The following RASSF1 variants were observed in gnomAD, a reference collection of about 807,000 sequenced individuals.
RASSF1 encodes Ras association domain family member 1.
In RASSF1, 33 loss-of-function variants were observed where a neutral mutation model predicts 34.3. The observed-to-expected ratio is 0.96, with a 90% CI of 0.73 to 1.29. The LOEUF (loss-of-function observed/expected upper bound fraction) is 1.29, where lower values mean the gene tolerates loss of function less well. Among genes scored for constraint, RASSF1 ranks in the 50% most tolerant of loss-of-function variants. The pLI is 0.00. For synonymous variants in RASSF1, 191 were observed against 195.0 expected (o/e 0.98, Z 0.17); for missense variants, 445 against 471.8 (o/e 0.94, Z 0.53).
intron 1 of RASSF1, chr3:50,338,225 C>T (rs975301800): frequency 2.2e-6 from 3 of 1,388,964 alleles, no homozygotes; most frequent in Non-Finnish European, 2.8e-6. Flanking sequence ...GAGGCCTGCT[C>T]AACAGTTGGA....
Position 50,330,712 on chromosome 3 carries a change from T to C in RASSF1, c.892A>G (p.Met298Val). ...CGTAGGAAGTTATGTAGTTCAGGCA[T>C]GCTGAAGGCGTCCCACTGCAAGGGG... ...SGEVNWDAFS[M>V]PELHNFLRIL... Residue 298 changes from methionine to valine, a missense_variant, in exon 6 of 6, where the codon ATG becomes GTG. Physicochemically the swap from Met to Val is conservative, Grantham distance 21. Transcript: ENST00000359365. This position sits in a 1 kb window ranked among gnomAD's most constrained non-coding sequence, Gnocchi z 4.5. The C allele has an allele frequency of 6.2e-7, 1 of 1,613,966 alleles. No individual in the cohort carries two copies. The highest frequency in any genetic ancestry group is 1.3e-5 in the African/African-American group (1 of 75,026).
intron 4 of RASSF1, 37 bp from the exon 5 acceptor site, chr3:50,331,486 C>T (rs1416415677): frequency 1.3e-6 from 2 of 1,561,732 alleles, no homozygotes; most frequent in Non-Finnish European, 1.7e-6. Flanking sequence ...ACAGGGCCAG[C>T]TGCTCAGCCC....
chr3:50,330,837 T>C lies in RASSF1; in HGVS notation c.877-110A>G. On this transcript the variant is annotated intron_variant, in intron 5 of 5. Transcript: ENST00000359365. The surrounding 1 kb of genome is among the most constrained non-coding windows in gnomAD (Gnocchi z 4.5). ...TGTTCACACAAGCTAGGACTGGGCTTTCTGATGTCAGGCTCTTGGCTGAAT... is the reference window on the plus strand; with the variant it reads ...TGTTCACACAAGCTAGGACTGGGCTCTCTGATGTCAGGCTCTTGGCTGAAT... 8.0e-7 allele frequency: 1 copy of C among 1,256,132 alleles called. No homozygotes were observed. Among genetic ancestry groups the C allele is most frequent in the Non-Finnish European group, 1.1e-6 (1 of 915,956 alleles). 77.8% of individuals were successfully genotyped at this position (1,256,132 alleles called of 1,614,324 possible).
chr3:50,331,855 T>C lies in RASSF1; in HGVS notation c.464A>G (p.Asn155Ser). 2 of 1,558,692 alleles carry C rather than the reference T, an allele frequency of 1.3e-6. No individual in the cohort carries two copies. The highest frequency in any genetic ancestry group is 1.7e-6 in the Non-Finnish European group (2 of 1,149,556). The change falls in exon 4 of 6, where the codon AAC becomes AGC. Residue 155 changes from asparagine to serine, a missense_variant and splice_region_variant. Coordinates refer to ENST00000359365, the MANE Select transcript of RASSF1 (RefSeq NM_007182.5). ...GAAGCCTGTGTAAGAACCGTCCTTGTTCTAAAGAAATAGAGAAACCAAACC... is the reference window on the plus strand; with the variant it reads ...GAAGCCTGTGTAAGAACCGTCCTTGCTCTAAAGAAATAGAGAAACCAAACC... ...QINSNLFMSL[N>S]KDGSYTGFIK...
rs1702886881 is a variant in RASSF1 at position 50,330,297 on chromosome 3, A to G, written c.*284T>C. 1 of 365,076 alleles carries G rather than the reference A, an allele frequency of 2.7e-6. No homozygotes were observed. Among genetic ancestry groups the G allele is most frequent in the Admixed American group, 4.4e-5 (1 of 22,902 alleles). The allele number at this position is 365,076 out of a possible 1,614,324, so 22.6% of individuals were successfully genotyped here. ...CACTTCTGAGACAAAAATTGAGGAGACTTCTGTCTGCACCACTCCTGCTGC... is the reference window on the plus strand; with the variant it reads ...CACTTCTGAGACAAAAATTGAGGAGGCTTCTGTCTGCACCACTCCTGCTGC... On this transcript the variant is annotated 3_prime_UTR_variant, in exon 6 of 6. Coordinates refer to ENST00000359365, the MANE Select transcript of RASSF1 (RefSeq NM_007182.5). This position sits in a 1 kb window ranked among gnomAD's most constrained non-coding sequence, Gnocchi z 4.5.
In RASSF1 at chr3:50,331,432, A is replaced by G; in HGVS notation, c.778T>C (p.Leu260=). The G allele has an allele frequency of 6.3e-7, 1 of 1,599,460 alleles. No homozygotes were observed. The highest frequency in any genetic ancestry group is 1.3e-5 in the African/African-American group (1 of 74,360). Reference sequence around the variant, plus strand: ...AGCCGCAGGGGCTGCTCATCATCCAACAGCTTCCGCAAGTACACTGTGAAG... The same window carrying G: ...AGCCGCAGGGGCTGCTCATCATCCAGCAGCTTCCGCAAGTACACTGTGAAG... ...RHGQVYLRKL[L]DDEQPLRLRL... Residue 260 remains leucine, a synonymous_variant, in exon 5 of 6, where the codon TTG becomes CTG. Transcript: ENST00000359365.
intron 2 of RASSF1, among the ~76,000 whole-genome samples, chr3:50,335,538 C>T (rs1423499974): frequency 2.0e-5 from 3 of 152,150 alleles, no homozygotes; most frequent in South Asian, 4.1e-4. Flanking sequence ...TGGCAGGTCT[C>T]GAACTCTTGG....
chr3:50,338,052 C>G, intron 1 of RASSF1, 41 bp from the exon 2 acceptor site: 1 of 1,546,300 alleles, frequency 6.5e-7, no homozygotes, highest in African/African-American at 1.4e-5. Flanking sequence ...AGCTCCAGGT[C>G]GGGGAAATGT....
intron 2 of RASSF1, among the ~76,000 whole-genome samples, chr3:50,336,060 G>C (rs1396823466): frequency 6.6e-6 from 1 of 152,296 alleles, no homozygotes; most frequent in African/African-American, 2.4e-5. Flanking sequence ...GCACCTCCGT[G>C]GCTAGCCCTC....
Position 50,340,712 on chromosome 3 carries a change from G to A in RASSF1, c.94C>T (p.Leu32=). 2 of 1,526,534 alleles carry A rather than the reference G, an allele frequency of 1.3e-6. No individual in the cohort carries two copies. Among genetic ancestry groups the A allele is most frequent in the Non-Finnish European group, 8.7e-7 (1 of 1,147,104 alleles). 94.6% of individuals were successfully genotyped at this position (1,526,534 alleles called of 1,614,324 possible). ...CACGCGGTGCCCCGCGCGATGCGCA[G>A]CGCGTTGGCACGCTCCAGCCGGGTG... ...GRTRLERANA[L]RIARGTACNP... is the part of the protein sequence containing the mutation. The change falls in exon 1 of 6, where the codon CTG becomes TTG. Residue 32 remains leucine, a synonymous_variant. Transcript: ENST00000359365.
At chr3:50,332,251 T>C in intron 2 of RASSF1, 97 bp from the exon 3 acceptor site, 2 of 999,572 alleles carry the variant, frequency 2.0e-6, no homozygotes, top group Non-Finnish European at 3.1e-6. Flanking sequence ...TGACTGCCTT[T>C]GGCCCCCTGT....
At position 50,330,733 on chromosome 3, in the gene RASSF1, A is replaced by C; in HGVS notation, c.877-6T>G. On this transcript the variant is annotated splice_region_variant and splice_polypyrimidine_tract_variant and intron_variant, in intron 5 of 5. Coordinates refer to ENST00000359365, the MANE Select transcript of RASSF1 (RefSeq NM_007182.5). This position sits in a 1 kb window ranked among gnomAD's most constrained non-coding sequence, Gnocchi z 4.5. ...GGCATGCTGAAGGCGTCCCACTGCA[A>C]GGGGCAAAAGGGGAGTGTACAGGCT... 1.2e-6 allele frequency: 2 copies of C among 1,613,582 alleles called. No individual in the cohort carries two copies. The highest frequency in any genetic ancestry group is 1.7e-6 in the Non-Finnish European group (2 of 1,179,766).
chr3:50,339,717 G>C (rs1168568960), intron 1 of RASSF1, among the ~76,000 whole-genome samples: 1 of 152,136 alleles, frequency 6.6e-6, no homozygotes, highest in Non-Finnish European at 1.5e-5. Context: ...CCCCCCAGCT[G>C]AATTTGTGAT....
chr3:50,336,667 A>C (rs1703149700), intron 2 of RASSF1: 1 of 156,668 alleles, frequency 6.4e-6, no homozygotes, highest in Non-Finnish European at 1.4e-5. Flanking sequence ...ACAGGCCAGA[A>C]CAGGGAAGAG....
rs781828303 is a variant in RASSF1 at position 50,330,612 on chromosome 3, T to C, written c.992A>G (p.Gln331Arg). ...QKYSYCRQKI[Q>R]EALHACPLG ...AAGGGGGCAGGCGTGCAGGGCCTCT[T>C]GGATCTTCTGGCGGCAATAGGAGTA... Residue 331 changes from glutamine to arginine, a missense_variant, in exon 6 of 6, where the codon CAA (glutamine) becomes CGA (arginine). Physicochemically the swap from Gln to Arg is conservative, Grantham distance 43. Transcript: ENST00000359365. This position sits in a 1 kb window ranked among gnomAD's most constrained non-coding sequence, Gnocchi z 4.5. 1 of 1,614,136 alleles carries C rather than the reference T, an allele frequency of 6.2e-7. No homozygotes were observed. The highest frequency in any genetic ancestry group is 2.2e-5 in the East Asian group (1 of 44,886).
intron 2 of RASSF1, among the ~76,000 whole-genome samples, chr3:50,333,219 G>A (rs1253759643): frequency 6.6e-6 from 1 of 152,236 alleles, no homozygotes; most frequent in Non-Finnish European, 1.5e-5. Context: ...CCCCGGCACG[G>A]GGCCATGACC....
At chr3:50,338,324 G>A in intron 1 of RASSF1, 1 of 760,890 alleles carries the variant, frequency 1.3e-6, no homozygotes, top group Middle Eastern at 5.5e-4. Context: ...TTGTCACCCA[G>A]GCTGGAGTGC....
intron 1 of RASSF1, 30 bp downstream of exon 1, chr3:50,340,526 C>G: frequency 2.1e-6 from 3 of 1,448,998 alleles, no homozygotes. Flanking sequence ...GCCCCTTCCG[C>G]TCTCGTAGGC....
At chr3:50,331,249 A>C in intron 5 of RASSF1, 85 bp downstream of exon 5, 1 of 1,101,328 alleles carries the variant, frequency 9.1e-7, no homozygotes, top group Non-Finnish European at 1.3e-6. Context: ...GTCTTCCAGC[A>C]CAATTCCTCC....
Sources: allele counts gnomAD v4.1 joint callset (sites outside exome capture counted in the v4.1 genomes callset), GRCh38; gene constraint gnomAD v4.1.1; non-coding constraint Gnocchi (gnomAD v3.1); transcripts MANE v1.5; gene names NCBI Gene and HGNC (gene_info 2026-07-23, HGNC 2026-07-21).